HDAC4: variants seen among roughly 807,000 people sequenced by gnomAD.
HDAC4 encodes the protein histone deacetylase 4, also known as histone deacetylase A.
Under a neutral mutation model 135.1 loss-of-function variants are expected in HDAC4, and 16 were observed. The ratio of observed to expected loss-of-function variants is 0.12; its 90% CI spans 0.08 to 0.18. The LOEUF is 0.18. HDAC4 is among the 10% of genes least tolerant of loss of function. The pLI is 1.00. For missense variants in HDAC4, 1,143 were observed against 1,511.8 expected (o/e 0.76, Z 4.05); for synonymous variants, 685 against 653.4 (o/e 1.05, Z -0.74).
In HDAC4 at chr2:239,164,163, G is replaced by A. The variant is rs569230064; in HGVS notation, c.491-240C>T. Among the ~76,000 whole-genome samples, 244 of 152,288 alleles carry A rather than the reference G, an allele frequency of 1.6e-3. 2 individuals are homozygous for A. The highest frequency in any genetic ancestry group is 5.6e-3 in the African/African-American group (232 of 41,558). Reference sequence around the variant, plus strand: ...ATTTAAAATGCAGATTTAATCATCCGAAAGACTTATTGTTAGCTAACACAA... The same window carrying A: ...ATTTAAAATGCAGATTTAATCATCCAAAAGACTTATTGTTAGCTAACACAA... On this transcript the variant is annotated intron_variant, in intron 5 of 26. Coordinates refer to ENST00000543185, the MANE Select transcript of HDAC4 (RefSeq NM_001378414.1).
chr2:239,385,640 C>A (rs1695745071), intron 1 of HDAC4, among the ~76,000 whole-genome samples: 1 of 152,248 alleles, frequency 6.6e-6, no homozygotes, highest in Non-Finnish European at 1.5e-5. Context: ...AAGGAACACG[C>A]ACACGCCTGT....
At position 239,134,625 on chromosome 2, in the gene HDAC4, G is replaced by A. The variant is rs1179388684; in HGVS notation, c.997C>T (p.Leu333Phe). Residue 333 changes from leucine (L) to phenylalanine (F), a missense_variant, in exon 10 of 27, where the codon CTT becomes TTT. Coordinates refer to ENST00000543185, the MANE Select transcript of HDAC4 (RefSeq NM_001378414.1). ...GCGGCCGAGCCTTCTCGTGCCACAA[G>A]TCTGTGCGCCAAACTCGTCTGGGGA... ...IPAETSLAHRLVAREGSAAPL... is the reference protein window; with the variant it reads ...IPAETSLAHRFVAREGSAAPL... 5 of 1,614,142 alleles carry A rather than the reference G, an allele frequency of 3.1e-6. No individual in the cohort carries two copies. Among genetic ancestry groups the A allele is most frequent in the Non-Finnish European group, 4.2e-6 (5 of 1,179,946 alleles).
At chr2:239,086,970 C>T (rs1177071258) in intron 19 of HDAC4, among the ~76,000 whole-genome samples, 2 of 152,198 alleles carry the variant, frequency 1.3e-5, no homozygotes, top group Non-Finnish European at 2.9e-5. Flanking sequence ...AGGCACTCCA[C>T]AGACAGCTGC....
chr2:239,230,561 C>T (rs533551969), intron 3 of HDAC4, among the ~76,000 whole-genome samples: 30 of 152,156 alleles, frequency 2.0e-4, no homozygotes, highest in East Asian at 3.9e-4. Context: ...AGGACGAGGC[C>T]GCCACGGCCT....
At chr2:239,099,695 C>A (rs73092852) in intron 16 of HDAC4, among the ~76,000 whole-genome samples, 10,832 of 152,250 alleles carry the variant, frequency 0.071, 1,296 homozygotes, top group African/African-American at 0.25. Context: ...TCCCCGCCTC[C>A]GCTAGGTACT....
chr2:239,103,845 G>T (rs1288741412), intron 15 of HDAC4, among the ~76,000 whole-genome samples: 1 of 152,258 alleles, frequency 6.6e-6, no homozygotes, highest in East Asian at 1.9e-4. Flanking sequence ...CCTGCAGGAC[G>T]CATTGCACCT....
At chr2:239,182,123 G>A (rs1022039837) in intron 4 of HDAC4, among the ~76,000 whole-genome samples, 14 of 152,188 alleles carry the variant, frequency 9.2e-5, no homozygotes, top group African/African-American at 3.4e-4. Flanking sequence ...TGCCCCGAGA[G>A]CATCCCTGGG....
intron 2 of HDAC4, among the ~76,000 whole-genome samples, chr2:239,237,464 G>T (rs1253949043): frequency 6.6e-6 from 1 of 151,980 alleles, no homozygotes; most frequent in Non-Finnish European, 1.5e-5. Flanking sequence ...TGCACGCGGA[G>T]GTCATTTTCC....
chr2:239,154,919 A>T (rs939174264), intron 7 of HDAC4: 2 of 152,400 alleles, frequency 1.3e-5, no homozygotes, highest in African/African-American at 2.4e-5. Context: ...TTATGGCCCA[A>T]ATGGAAATGC....
At chr2:239,283,092 C>T (rs1254404814) in intron 2 of HDAC4, among the ~76,000 whole-genome samples, 1 of 152,270 alleles carries the variant, frequency 6.6e-6, no homozygotes, top group Non-Finnish European at 1.5e-5. Context: ...AGGATTCGCT[C>T]GCCCACAGTC....
At chr2:239,296,265 C>T (rs1453441599) in intron 2 of HDAC4, among the ~76,000 whole-genome samples, 3 of 152,250 alleles carry the variant, frequency 2.0e-5, no homozygotes, top group Non-Finnish European at 1.5e-5. Flanking sequence ...AGAGGATGTG[C>T]TTAGCTGTAT....
rs374242091 is a variant in HDAC4, at chr2:239,134,314, C to T, written c.1225G>A (p.Ala409Thr). 1.1e-5 allele frequency: 17 copies of T among 1,613,798 alleles called. No individual in the cohort carries two copies. Among genetic ancestry groups the T allele is most frequent in the Non-Finnish European group, 1.4e-5 (16 of 1,180,018 alleles). ...TSPLERDGGAAHSPLLQHMVL... is the reference protein window; with the variant it reads ...TSPLERDGGATHSPLLQHMVL... ...ATGTGCTGCAGAAGAGGGCTGTGCG[C>T]TGCCCCTCCGTCCCGCTCCAAGGGC... The change falls in exon 11 of 27, where the codon GCG becomes ACG. Residue 409 changes from alanine (A) to threonine (T), a missense_variant. Physicochemically the swap from Ala to Thr is moderately conservative, Grantham distance 58. Around this residue, in one of 9 missense-constraint regions of HDAC4, gnomAD observed 272 missense variants for 309.7 expected, o/e 0.88. Transcript: ENST00000543185.
intron 2 of HDAC4, chr2:239,298,650 G>A: frequency 2.0e-6 from 2 of 985,328 alleles, no homozygotes; most frequent in Non-Finnish European, 2.4e-6. Flanking sequence ...ACAGAGCCGT[G>A]AGACTGTGGC....
At chr2:239,135,409 G>A (rs2040882476) in intron 9 of HDAC4, among the ~76,000 whole-genome samples, 1 of 152,198 alleles carries the variant, frequency 6.6e-6, no homozygotes, top group Non-Finnish European at 1.5e-5. Context: ...ACCAGTGACG[G>A]CAGAGCTCAG....
intron 3 of HDAC4, among the ~76,000 whole-genome samples, chr2:239,217,798 A>G (rs2046724417): frequency 6.6e-6 from 1 of 152,228 alleles, no homozygotes; most frequent in Non-Finnish European, 1.5e-5. Context: ...CATTCACAAC[A>G]GAAAACAGGG....
At chr2:239,180,034 T>C (rs551107892) in intron 4 of HDAC4, among the ~76,000 whole-genome samples, 4 of 152,170 alleles carry the variant, frequency 2.6e-5, no homozygotes, top group Non-Finnish European at 5.9e-5. Context: ...TTCAGCGGCG[T>C]TGGCAAGGTG....
At chr2:239,280,314 A>G (rs562191338) in intron 2 of HDAC4, among the ~76,000 whole-genome samples, 11 of 152,320 alleles carry the variant, frequency 7.2e-5, no homozygotes, top group African/African-American at 2.4e-4. Context: ...AGAAGGCCAC[A>G]AGCCCTGAAA....
chr2:239,249,391 C>T (rs979086089), intron 2 of HDAC4, among the ~76,000 whole-genome samples: 2 of 152,106 alleles, frequency 1.3e-5, no homozygotes, highest in Non-Finnish European at 2.9e-5. Context: ...CAGGACTCTG[C>T]GATGGACTTG....
chr2:239,080,214 C>T (rs754599508), intron 22 of HDAC4, among the ~76,000 whole-genome samples: 1 of 152,236 alleles, frequency 6.6e-6, no homozygotes, highest in East Asian at 1.9e-4. Context: ...CACAAAGACA[C>T]GTCTGCACAC....
Sources: gnomAD v4.1 joint callset for allele counts (sites outside exome capture counted in the v4.1 genomes callset) on GRCh38, gnomAD v4.1.1 for gene constraint, gnomAD v4.1.1 regional missense constraint, MANE v1.5 for transcripts, NCBI Gene and HGNC (gene_info 2026-07-23, HGNC 2026-07-21) for gene names.